The following GALNTL6 variants were observed in gnomAD, a reference collection of about 807,000 sequenced individuals.
The protein encoded by GALNTL6 is polypeptide N-acetylgalactosaminyltransferase like 6.
A neutral mutation model predicts 73.7 loss-of-function variants in GALNTL6; 46 were observed. That is an observed-to-expected ratio of 0.62 (90% confidence interval 0.49 to 0.80). GALNTL6 has a LOEUF of 0.80. Among genes scored for constraint, GALNTL6 ranks in the 30% least tolerant of loss-of-function variants. The probability of loss-of-function intolerance (pLI) is 0.00; values close to 1 mark genes in which losing one functional copy is unlikely to be tolerated. For missense variants in GALNTL6, 604 were observed against 755.0 expected, an observed-to-expected ratio of 0.80 and a Z score of 2.34; for synonymous variants, 259 against 263.7, an observed-to-expected ratio of 0.98 and a Z score of 0.17.
intron 5 of GALNTL6, among the ~76,000 whole-genome samples, chr4:172,533,641 T>C (rs1201409407): frequency 1.3e-5 from 2 of 152,084 alleles, no homozygotes; most frequent in African/African-American, 4.8e-5. Flanking sequence ...TTGTTTTAGA[T>C]GTCTTTATTT....
chr4:171,920,300 A>G (rs1219303864), intron 2 of GALNTL6, among the ~76,000 whole-genome samples: 7 of 151,998 alleles, frequency 4.6e-5, no homozygotes, highest in Admixed American at 4.6e-4. Context: ...TAATGGGTGC[A>G]AGCACACCAA....
rs185369277 is a variant in GALNTL6, at chr4:172,721,168, A to G, written c.554-88193A>G. ...GTGAATCTAAAATGTTATGGCATAA[A>G]TGTCACTTATTAGTCAATAATAACA... On this transcript the variant is annotated intron_variant, in intron 5 of 12. Coordinates refer to ENST00000506823, the MANE Select transcript of GALNTL6 (RefSeq NM_001034845.3). 1.2e-4 allele frequency among the ~76,000 whole-genome samples: 19 copies of G among 152,362 alleles called. No individual in the cohort carries two copies. The East Asian group carries it at 3.7e-3, about 29-fold the overall frequency.
intron 2 of GALNTL6, among the ~76,000 whole-genome samples, chr4:171,849,073 G>T (rs888681053): frequency 6.6e-6 from 1 of 152,062 alleles, no homozygotes; most frequent in Non-Finnish European, 1.5e-5. Flanking sequence ...TTCACAACTT[G>T]GCCAACTGGC....
chr4:172,606,084 A>G (rs543846294), intron 5 of GALNTL6, among the ~76,000 whole-genome samples: 1 of 152,124 alleles, frequency 6.6e-6, no homozygotes, highest in East Asian at 1.9e-4. Flanking sequence ...TGCGTCTATC[A>G]TAAAGGGAAA....
chr4:172,445,194 A>C (rs1391163456), intron 5 of GALNTL6, among the ~76,000 whole-genome samples: 1 of 152,170 alleles, frequency 6.6e-6, no homozygotes, highest in East Asian at 1.9e-4. Context: ...AATTATCAGC[A>C]TCCGTAGCCA....
chr4:171,971,294 C>A (rs1302060023), intron 2 of GALNTL6, among the ~76,000 whole-genome samples: 1 of 152,182 alleles, frequency 6.6e-6, no homozygotes, highest in Non-Finnish European at 1.5e-5. Context: ...CCTAGAAATG[C>A]CTCTTTGAGG....
chr4:172,349,838 TATATA>T (rs1741882159), intron 5 of GALNTL6, among the ~76,000 whole-genome samples: 1 of 80,220 alleles, frequency 1.2e-5, no homozygotes, highest in Non-Finnish European at 3.5e-5. Context: ...AAAATATATA[TATATA>T]TATTTTTTTT....
intron 12 of GALNTL6, among the ~76,000 whole-genome samples, chr4:173,037,327 T>TC (rs1411060803): frequency 6.6e-6 from 1 of 151,960 alleles, no homozygotes; most frequent in Non-Finnish European, 1.5e-5. Flanking sequence ...ATTTATCTAA[T>TC]CCCCCCCACC....
At chr4:172,477,849 A>G (rs1260754867) in intron 5 of GALNTL6, among the ~76,000 whole-genome samples, 15 of 152,192 alleles carry the variant, frequency 9.9e-5, no homozygotes, top group Non-Finnish European at 1.9e-4. Context: ...TTTTTTTCCC[A>G]TCAAAGTTTT....
chr4:172,835,673 A>G (rs1742873378), intron 7 of GALNTL6, among the ~76,000 whole-genome samples: 1 of 152,164 alleles, frequency 6.6e-6, no homozygotes, highest in Non-Finnish European at 1.5e-5. Context: ...TGAGAGTAGC[A>G]AGAAGCCGAA....
intron 5 of GALNTL6, among the ~76,000 whole-genome samples, chr4:172,386,479 A>T (rs770226289): frequency 1.3e-5 from 2 of 152,150 alleles, no homozygotes; most frequent in Non-Finnish European, 2.9e-5. Flanking sequence ...GACAGAACTA[A>T]TAAGAGAGGG....
At chr4:172,617,021 A>G (rs1012323890) in intron 5 of GALNTL6, among the ~76,000 whole-genome samples, 18 of 152,122 alleles carry the variant, frequency 1.2e-4, no homozygotes, top group African/African-American at 4.1e-4. Context: ...GTTTTTTAGC[A>G]GAGGAGAAGG....
At chr4:172,593,661 G>GT (rs35817422) in intron 5 of GALNTL6, among the ~76,000 whole-genome samples, 166 of 142,682 alleles carry the variant, frequency 1.2e-3, no homozygotes, top group Middle Eastern at 3.7e-3. Context: ...AGCATGACTT[G>GT]TTTTTTTTTT....
chr4:172,446,585 T>C (rs906422645), intron 5 of GALNTL6, among the ~76,000 whole-genome samples: 1 of 150,638 alleles, frequency 6.6e-6, no homozygotes, highest in Non-Finnish European at 1.5e-5. Flanking sequence ...GAAACAAGTG[T>C]TTTTTTTCTG....
intron 5 of GALNTL6, among the ~76,000 whole-genome samples, chr4:172,733,778 T>C (rs1001918406): frequency 6.6e-6 from 1 of 152,204 alleles, no homozygotes; most frequent in Admixed American, 6.5e-5. Context: ...AACTTCTTTT[T>C]CTTTATAAAT....
At chr4:172,888,796 A>ATT (rs1745864522) in intron 8 of GALNTL6, among the ~76,000 whole-genome samples, 1 of 152,196 alleles carries the variant, frequency 6.6e-6, no homozygotes, top group East Asian at 1.9e-4. Flanking sequence ...TTCTGTGAAA[A>ATT]ACGACATTGG....
At chr4:172,938,603 G>A (rs892412911) in intron 9 of GALNTL6, among the ~76,000 whole-genome samples, 1 of 152,144 alleles carries the variant, frequency 6.6e-6, no homozygotes, top group Non-Finnish European at 1.5e-5. Context: ...TTTCTCTCCC[G>A]ATGACTGTAA....
chr4:172,535,297 A>G (rs1561126645), intron 5 of GALNTL6, among the ~76,000 whole-genome samples: 1 of 152,206 alleles, frequency 6.6e-6, no homozygotes, highest in East Asian at 1.9e-4. Flanking sequence ...TGCATTGGTA[A>G]TAGAAAAACA....
chr4:172,366,011 A>C (rs1237992991), intron 5 of GALNTL6, among the ~76,000 whole-genome samples: 2 of 152,186 alleles, frequency 1.3e-5, no homozygotes, highest in East Asian at 3.9e-4. Context: ...GATATGAATT[A>C]GATAATTTGA....
Sources: allele counts gnomAD v4.1 joint callset (sites outside exome capture counted in the v4.1 genomes callset), GRCh38; gene constraint gnomAD v4.1.1; transcripts MANE v1.5; gene names NCBI Gene and HGNC (gene_info 2026-07-23, HGNC 2026-07-21).